The following NUP210L variants were observed in gnomAD, a reference collection of about 807,000 sequenced individuals.
NUP210L encodes the protein nucleoporin 210 like.
NUP210L carries 74 observed loss-of-function variants against 208.5 expected under a neutral mutation model. The ratio of observed to expected loss-of-function variants is 0.35; its 90% CI spans 0.29 to 0.43. The LOEUF (loss-of-function observed/expected upper bound fraction) is 0.43. Among genes scored for constraint, NUP210L ranks in the 20% least tolerant of loss-of-function variants. The probability of loss-of-function intolerance (pLI) is 1.00; values close to 1 mark genes in which losing one functional copy is unlikely to be tolerated. For missense variants in NUP210L, 1,843 were observed against 2,289.4 expected (o/e 0.81, Z 3.98); for synonymous variants, 780 against 816.9 (o/e 0.95, Z 0.77).
intron 7 of NUP210L, among the ~76,000 whole-genome samples, chr1:154,133,763 C>T (rs921894693): frequency 6.6e-6 from 1 of 151,924 alleles, no homozygotes; most frequent in African/African-American, 2.4e-5. Context: ...ATCACTTGAG[C>T]CTGGAGTTTA....
intron 37 of NUP210L, chr1:153,995,932 C>T (rs879179186): frequency 9.8e-6 from 5 of 509,216 alleles, no homozygotes; most frequent in Non-Finnish European, 1.5e-5. Flanking sequence ...GTGAAAGTGT[C>T]GAAGGCACAA....
At chr1:154,146,968 C>T (rs894875341) in intron 2 of NUP210L, among the ~76,000 whole-genome samples, 2 of 151,956 alleles carry the variant, frequency 1.3e-5, no homozygotes, top group African/African-American at 2.4e-5. Context: ...GGATTATAGG[C>T]GCATGCCACC....
At chr1:154,154,499 C>T (rs1020475142) in intron 1 of NUP210L, among the ~76,000 whole-genome samples, 1 of 152,170 alleles carries the variant, frequency 6.6e-6, no homozygotes, top group Non-Finnish European at 1.5e-5. Context: ...GTCATCAGTA[C>T]CTGTGGCCTC....
intron 27 of NUP210L, among the ~76,000 whole-genome samples, chr1:154,039,313 A>C (rs963043954): frequency 6.6e-6 from 1 of 151,262 alleles, no homozygotes; most frequent in African/African-American, 2.4e-5. Flanking sequence ...AGCTCACTAC[A>C]ACCTCCGCCT....
intron 12 of NUP210L, among the ~76,000 whole-genome samples, chr1:154,114,446 A>G (rs1022939024): frequency 2.0e-5 from 3 of 152,136 alleles, no homozygotes; most frequent in African/African-American, 7.2e-5. Context: ...TCCAGTCCCA[A>G]AGCTTCAGTG....
At chr1:154,065,979 C>A (rs540057916) in intron 17 of NUP210L, among the ~76,000 whole-genome samples, 51 of 150,410 alleles carry the variant, frequency 3.4e-4, no homozygotes, top group Non-Finnish European at 6.2e-4. Flanking sequence ...CACTCAAAAT[C>A]GCACAACTAC....
chr1:154,136,048 A>C (rs1571316708), intron 6 of NUP210L, 76 bp from the exon 7 acceptor site: 1 of 946,692 alleles, frequency 1.1e-6, no homozygotes, highest in East Asian at 2.4e-5. Flanking sequence ...TTGATCATAA[A>C]GGAATGATCA....
At chr1:154,154,069 C>T (rs1235647264) in intron 1 of NUP210L, among the ~76,000 whole-genome samples, 3 of 152,186 alleles carry the variant, frequency 2.0e-5, no homozygotes, top group Non-Finnish European at 4.4e-5. Context: ...CATGTCTCTT[C>T]ATCTTCAGTC....
At chr1:154,036,725 G>A (rs1652578174) in intron 27 of NUP210L, among the ~76,000 whole-genome samples, 1 of 151,928 alleles carries the variant, frequency 6.6e-6, no homozygotes, top group African/African-American at 2.4e-5. Context: ...GAGTGCAGGG[G>A]CACCATTATA....
At chr1:153,993,201 G>A (rs1649578686) in intron 38 of NUP210L, 112 bp from the exon 39 acceptor site, 1 of 658,512 alleles carries the variant, frequency 1.5e-6, no homozygotes, top group South Asian at 2.4e-5. Flanking sequence ...ATAAGTAATA[G>A]TAATGGCACT....
At chr1:154,074,584 G>A (rs1184596143) in intron 16 of NUP210L, among the ~76,000 whole-genome samples, 1 of 147,998 alleles carries the variant, frequency 6.8e-6, no homozygotes, top group Admixed American at 6.7e-5. Flanking sequence ...TGCCTCCCCA[G>A]TTCAAGTGAT....
exon 15 of NUP210L, chr1:154,095,102 C>G (rs1480338043): frequency 1.2e-6 from 2 of 1,614,140 alleles, no homozygotes; most frequent in Non-Finnish European, 1.7e-6. Context: ...CCTTCAAATA[C>G]CATTTCCTTC....
At chr1:154,024,935 T>TG (rs1392237358) in intron 30 of NUP210L, among the ~76,000 whole-genome samples, 3 of 142,988 alleles carry the variant, frequency 2.1e-5, no homozygotes, top group Non-Finnish European at 4.6e-5. Context: ...TTTTTTTTTT[T>TG]TTTTTTTTTT....
intron 32 of NUP210L, 32 bp downstream of exon 32, chr1:154,022,094 T>C (rs1347631301): frequency 3.3e-6 from 5 of 1,524,386 alleles, no homozygotes; most frequent in Admixed American, 1.7e-5. Flanking sequence ...CAACTATCAA[T>C]TGTAAGTTTG....
chr1:154,137,220 C>T (rs946394644), intron 6 of NUP210L, among the ~76,000 whole-genome samples: 1 of 151,858 alleles, frequency 6.6e-6, no homozygotes, highest in Non-Finnish European at 1.5e-5. Context: ...ACAAGGAGTT[C>T]AAGACCAGCC....
At chr1:153,992,914 G>A (rs1553216609) in exon 40 of NUP210L, 1 of 1,612,450 alleles carries the variant, frequency 6.2e-7, no homozygotes, top group South Asian at 1.1e-5. Flanking sequence ...GTGAGGGGGA[G>A]AACTTGTGGA....
chr1:154,135,729 T>C, intron 7 of NUP210L, 85 bp downstream of exon 7: 1 of 1,294,984 alleles, frequency 7.7e-7, no homozygotes, highest in Admixed American at 1.8e-5. Context: ...CCATAATCAT[T>C]CTTAATAAAT....
rs141861096 is a variant in NUP210L, at chr1:154,041,520, G to A, written c.3696+4549C>T. On this transcript the variant is annotated intron_variant, in intron 27 of 39. Transcript: ENST00000368559. ...TAATTTTTTTATTTGTAGTAGAGAC[G>A]GCGTTTCACCATGTTGGCCAGGCTG... Among the ~76,000 whole-genome samples the A allele has an allele frequency of 7.4e-4, 113 of 151,938 alleles. 1 individual carries two copies. Among genetic ancestry groups the A allele is most frequent in the African/African-American group, 2.7e-3 (110 of 41,394 alleles).
chr1:154,055,498 G>A (rs1227444914), intron 23 of NUP210L, among the ~76,000 whole-genome samples: 1 of 152,066 alleles, frequency 6.6e-6, no homozygotes, highest in Non-Finnish European at 1.5e-5. Context: ...TGATCCACCT[G>A]CCTCAGCCTC....
Sources: allele counts gnomAD v4.1 joint callset (sites outside exome capture counted in the v4.1 genomes callset), GRCh38; gene constraint gnomAD v4.1.1; transcripts MANE v1.5; gene names NCBI Gene and HGNC (gene_info 2026-07-23, HGNC 2026-07-21).